The following ADGRV1 variants were observed in gnomAD, a reference collection of about 807,000 sequenced individuals.
ADGRV1 encodes G-protein coupled receptor 98.
ADGRV1 carries 359 observed loss-of-function variants against 596.2 expected under a neutral mutation model. That is an observed-to-expected ratio of 0.60 (90% CI 0.55 to 0.66). ADGRV1 has a LOEUF of 0.66. Among genes scored for constraint, ADGRV1 ranks in the 30% least tolerant of loss-of-function variants. ADGRV1 has a pLI of 0.00. For synonymous variants in ADGRV1, 2,681 were observed against 2,679.2 expected (o/e 1.00, Z -0.02); for missense variants, 7,274 against 7,575.6 (o/e 0.96, Z 1.48).
At chr5:90,652,856 G>A (rs1262669683) in intron 19 of ADGRV1, among the ~76,000 whole-genome samples, 1 of 152,200 alleles carries the variant, frequency 6.6e-6, no homozygotes, top group Non-Finnish European at 1.5e-5. Flanking sequence ...CAAGACGTTA[G>A]TGGAAGGTAG....
chr5:90,613,666 G>A (rs780171668), intron 1 of ADGRV1, among the ~76,000 whole-genome samples: 6 of 152,080 alleles, frequency 3.9e-5, no homozygotes, highest in Non-Finnish European at 8.8e-5. Context: ...TTTGAACTCG[G>A]CATCCCTGTC....
At chr5:90,819,394 GT>G (rs1449218005) in intron 75 of ADGRV1, among the ~76,000 whole-genome samples, 1 of 151,570 alleles carries the variant, frequency 6.6e-6, no homozygotes, top group African/African-American at 2.4e-5. Flanking sequence ...TTTTTGAAGA[GT>G]TTTTTGTGTC....
Position 90,703,767 on chromosome 5 carries a change from A to G in ADGRV1, c.8258A>G (p.Asn2753Ser). 6.2e-7 allele frequency: 1 copy of G among 1,600,814 alleles called. No individual in the cohort carries two copies. Among genetic ancestry groups the G allele is most frequent in the African/African-American group, 1.3e-5 (1 of 74,676 alleles). Residue 2753 changes from asparagine to serine, a missense_variant, in exon 35 of 90, where the codon AAC (asparagine) becomes AGC (serine). By Grantham distance (46) the Asn-to-Ser change is conservative. Coordinates refer to ENST00000405460, the MANE Select transcript of ADGRV1 (RefSeq NM_032119.4). The stretch of plus-strand genomic sequence containing the variant: ...CAAAATCTAGAACTCAATTTTGCTA[A>G]CTTTAGCGGACAACTTTTCTTTCCT... ...IGQNLELNFA[N>S]FSGQLFFPEG...
At chr5:90,565,360 C>T (rs986024445) in intron 1 of ADGRV1, among the ~76,000 whole-genome samples, 1 of 152,208 alleles carries the variant, frequency 6.6e-6, no homozygotes, top group South Asian at 2.1e-4. Flanking sequence ...CCTTCCAATT[C>T]CTGGAAACCA....
Position 90,558,934 on chromosome 5 carries a change from G to T in ADGRV1, c.22+17G>T, listed in dbSNP as rs372874315. 2 of 1,553,494 alleles carry T rather than the reference G, an allele frequency of 1.3e-6. No homozygotes were observed. The highest frequency in any genetic ancestry group is 3.9e-5 in the Admixed American group (2 of 51,298). ...TGGGGCCAGGTAGGCTATGGCTGAG[G>T]GGTGGTGCTGCGAGCATCGCTGAGC... On this transcript the variant is annotated intron_variant, in intron 1 of 89. Coordinates refer to ENST00000405460, the MANE Select transcript of ADGRV1 (RefSeq NM_032119.4).
intron 38 of ADGRV1, among the ~76,000 whole-genome samples, chr5:90,707,279 A>T (rs956871187): frequency 2.6e-5 from 4 of 152,176 alleles, no homozygotes; most frequent in African/African-American, 7.2e-5. Context: ...ATACAGTTCC[A>T]AGAGGTTTAT....
intron 83 of ADGRV1, among the ~76,000 whole-genome samples, chr5:90,934,529 C>T (rs186782107): frequency 3.9e-5 from 6 of 152,158 alleles, no homozygotes; most frequent in Admixed American, 1.3e-4. Flanking sequence ...CACTTCCTCT[C>T]GTGTGTTCCC....
intron 50 of ADGRV1, among the ~76,000 whole-genome samples, chr5:90,742,026 C>T (rs867513478): frequency 1.1e-4 from 16 of 152,278 alleles, no homozygotes; most frequent in Admixed American, 5.9e-4. Context: ...AACTTATCTT[C>T]GCTTTCACCC....
In ADGRV1 at chr5:90,789,906, A is replaced by C. The variant is rs371856159; in HGVS notation, c.14043+55A>C. ...ACCAGTTTGCCTAACAAATGTGGTT[A>C]AGAGGGACAGGGAAACTGCATGTTC... On this transcript the variant is annotated intron_variant, in intron 69 of 89. Coordinates refer to ENST00000405460, the MANE Select transcript of ADGRV1 (RefSeq NM_032119.4). The C allele has an allele frequency of 6.9e-5, 85 of 1,240,462 alleles. No homozygotes were observed. The East Asian group carries it at 1.5e-3, about 21-fold the overall frequency. The allele number at this position is 1,240,462 out of a possible 1,614,324, so 76.8% of individuals were successfully genotyped here.
At chr5:90,675,679 T>C (rs1773146299) in intron 24 of ADGRV1, among the ~76,000 whole-genome samples, 1 of 152,040 alleles carries the variant, frequency 6.6e-6, no homozygotes, top group Admixed American at 6.5e-5. Context: ...GTGCAGCTAC[T>C]CTGGATGCTG....
intron 83 of ADGRV1, among the ~76,000 whole-genome samples, chr5:90,902,949 G>A (rs936923707): frequency 1.7e-4 from 26 of 152,024 alleles, no homozygotes; most frequent in Non-Finnish European, 2.1e-4. Context: ...AAACTATTTC[G>A]AAAGGGATGG....
chr5:90,646,093 T>C lies in ADGRV1; in HGVS notation c.3022+2T>C. The C allele has an allele frequency of 6.5e-7, 1 of 1,550,328 alleles. No individual in the cohort carries two copies. Among genetic ancestry groups the C allele is most frequent in the South Asian group, 1.2e-5 (1 of 80,860 alleles). On this transcript the variant is annotated splice_donor_variant, in intron 16 of 89. Transcript: ENST00000405460. LOFTEE classifies it high-confidence loss of function. Reference sequence around the variant, plus strand: ...ATGATGACCCCATTTATTTTGCAGGTGGTATTGCTGTCTTATTTGAATGAG... The same window carrying C: ...ATGATGACCCCATTTATTTTGCAGGCGGTATTGCTGTCTTATTTGAATGAG...
intron 83 of ADGRV1, among the ~76,000 whole-genome samples, chr5:90,961,903 T>C (rs1778066410): frequency 6.6e-6 from 1 of 152,200 alleles, no homozygotes; most frequent in African/African-American, 2.4e-5. Flanking sequence ...GCTCTTGGCA[T>C]TATATTTGAT....
chr5:90,901,916 G>A (rs1228820367), intron 83 of ADGRV1, among the ~76,000 whole-genome samples: 5 of 152,208 alleles, frequency 3.3e-5, no homozygotes, highest in Non-Finnish European at 7.4e-5. Flanking sequence ...GTAGAGGGTA[G>A]ACTGTAGTGT....
At chr5:90,676,423 A>G (rs1268873165) in intron 25 of ADGRV1, among the ~76,000 whole-genome samples, 3 of 152,216 alleles carry the variant, frequency 2.0e-5, no homozygotes, top group South Asian at 2.1e-4. Context: ...ATCTATATCA[A>G]TCATTTTTGA....
At chr5:90,616,009 A>G (rs1763322864) in intron 2 of ADGRV1, among the ~76,000 whole-genome samples, 1 of 151,936 alleles carries the variant, frequency 6.6e-6, no homozygotes, top group Admixed American at 6.6e-5. Flanking sequence ...TTGTTAAACG[A>G]TTTTCATAGG....
chr5:91,097,155 G>C (rs1790946084), intron 86 of ADGRV1, among the ~76,000 whole-genome samples: 1 of 152,188 alleles, frequency 6.6e-6, no homozygotes, highest in African/African-American at 2.4e-5. Context: ...GAGACAGAAA[G>C]TCCAAGATCA....
At chr5:91,145,069 G>C (rs950963326) in intron 87 of ADGRV1, among the ~76,000 whole-genome samples, 5 of 152,036 alleles carry the variant, frequency 3.3e-5, no homozygotes, top group Non-Finnish European at 7.3e-5. Context: ...GCCCAGCTTG[G>C]GCTGGACACA....
chr5:90,708,998 G>C, intron 39 of ADGRV1, 89 bp downstream of exon 39: 1 of 878,684 alleles, frequency 1.1e-6, no homozygotes, highest in Admixed American at 2.0e-5. Flanking sequence ...TCATTGTGCT[G>C]TTTTGTTAAT....
Sources: allele counts gnomAD v4.1 joint callset (sites outside exome capture counted in the v4.1 genomes callset), GRCh38; gene constraint gnomAD v4.1.1; transcripts MANE v1.5; gene names NCBI Gene and HGNC (gene_info 2026-07-23, HGNC 2026-07-21).